The following SUN3 variants were observed in gnomAD, a reference collection of about 807,000 sequenced individuals.
SUN3 encodes the protein SUN domain-containing protein 3.
A neutral mutation model predicts 48.2 loss-of-function variants in SUN3; 36 were observed. That is an observed-to-expected ratio of 0.75 (90% confidence interval 0.57 to 0.99). SUN3 has a LOEUF of 0.99. Ranked by LOEUF, SUN3 falls within the 50% of genes least tolerant of loss-of-function variation. The probability of loss-of-function intolerance (pLI) is 0.00; values close to 1 mark genes in which losing one functional copy is unlikely to be tolerated. For synonymous variants in SUN3, 148 were observed against 147.9 expected (o/e 1.00, Z 0.00); for missense variants, 419 against 433.1 (o/e 0.97, Z 0.29).
chr7:48,001,109 C>T (rs117944605), intron 6 of SUN3, among the ~76,000 whole-genome samples: 4 of 151,804 alleles, frequency 2.6e-5, no homozygotes, highest in Admixed American at 6.6e-5. Flanking sequence ...TTTTTAAGTT[C>T]GGGGTACATG....
intron 1 of SUN3, among the ~76,000 whole-genome samples, chr7:48,028,159 A>G (rs1790184961): frequency 6.6e-6 from 1 of 151,930 alleles, no homozygotes; most frequent in Non-Finnish European, 1.5e-5. Flanking sequence ...ATTTTTATTG[A>G]CAGTTTTGTT....
intron 3 of SUN3, among the ~76,000 whole-genome samples, chr7:48,009,680 C>T (rs1477741837): frequency 1.3e-5 from 2 of 151,774 alleles, no homozygotes; most frequent in Admixed American, 1.3e-4. Context: ...CTTGGTGGTG[C>T]CCAAACCAAG....
At chr7:48,035,594 G>A in the SUN3 span, 4 of 694,680 alleles carry the variant, frequency 5.8e-6, no homozygotes, top group Non-Finnish European at 7.9e-6. The surrounding 1 kb of genome is among the most constrained non-coding windows in gnomAD (Gnocchi z 4.0). Flanking sequence ...AACGCCGGGC[G>A]CCGCGGGCAG....
upstream of SUN3, among the ~76,000 whole-genome samples, chr7:48,030,544 G>T (rs1230121316): frequency 6.6e-6 from 1 of 152,146 alleles, no homozygotes; most frequent in Non-Finnish European, 1.5e-5. Context: ...ACTGTGCTCT[G>T]CATCTTGCTT....
At chr7:47,991,838 T>C (rs961500597) in intron 8 of SUN3, among the ~76,000 whole-genome samples, 4 of 152,064 alleles carry the variant, frequency 2.6e-5, no homozygotes, top group Non-Finnish European at 5.9e-5. Flanking sequence ...AATCTGCGGC[T>C]TAGCTAACAG....
intron 3 of SUN3, 147 bp from the exon 4 acceptor site, chr7:48,009,222 G>C (rs1029401707): frequency 1.5e-6 from 1 of 665,224 alleles, no homozygotes; most frequent in Non-Finnish European, 2.5e-6. Context: ...CCTCTGAGAG[G>C]CCCGCCTCTT....
intron 3 of SUN3, among the ~76,000 whole-genome samples, chr7:48,010,214 T>C (rs779542886): frequency 8.2e-4 from 125 of 151,934 alleles, no homozygotes; most frequent in Non-Finnish European, 1.4e-3. Flanking sequence ...CATGGGATGG[T>C]TGGAGAAGGT....
At chr7:47,994,841 G>C (rs559352232) in intron 7 of SUN3, among the ~76,000 whole-genome samples, 1 of 152,226 alleles carries the variant, frequency 6.6e-6, no homozygotes, top group African/African-American at 2.4e-5. Context: ...GGCAGTGGAG[G>C]TGACAGTGAT....
intron 5 of SUN3, 73 bp downstream of exon 5, chr7:48,007,092 A>C (rs1583762164): frequency 2.8e-6 from 4 of 1,443,718 alleles, no homozygotes; most frequent in Non-Finnish European, 2.8e-6. Flanking sequence ...GGACATACTC[A>C]CTCCCCGTCA....
chr7:47,989,709 G>C (rs1396220475), intron 8 of SUN3, among the ~76,000 whole-genome samples: 2 of 152,186 alleles, frequency 1.3e-5, no homozygotes, highest in African/African-American at 4.8e-5. Flanking sequence ...GACTGTTACT[G>C]TCTCTACGTA....
upstream of SUN3, among the ~76,000 whole-genome samples, chr7:48,033,694 C>G (rs1354478916): frequency 6.6e-6 from 1 of 152,070 alleles, no homozygotes; most frequent in Admixed American, 6.5e-5. Flanking sequence ...TTTTGTTAAT[C>G]CAATGGAGAA....
the SUN3 span, among the ~76,000 whole-genome samples, chr7:48,034,403 T>C: frequency 2.0e-5 from 3 of 152,126 alleles, no homozygotes; most frequent in Non-Finnish European, 2.9e-5. Context: ...CATGTTCAGT[T>C]CAAGTTGTCA....
rs552462533 is a variant in SUN3, at chr7:48,000,753, T to A, written c.578-4607A>T. 1.2e-4 allele frequency among the ~76,000 whole-genome samples: 18 copies of A among 152,204 alleles called. 1 individual carries two copies. Among genetic ancestry groups the A allele is most frequent in the Non-Finnish European group, 2.5e-4 (17 of 68,004 alleles). The stretch of plus-strand genomic sequence containing the variant: ...ATGTGTAGTTTTTTTTTAGCTTCTT[T>A]CAAGTATTTTCATCTTTGATTTTGA... On this transcript the variant is annotated intron_variant, in intron 6 of 9. Coordinates refer to ENST00000297325, the MANE Select transcript of SUN3 (RefSeq NM_001030019.2).
chr7:48,018,872 T>C (rs754573522), intron 2 of SUN3, among the ~76,000 whole-genome samples: 1 of 152,056 alleles, frequency 6.6e-6, no homozygotes, highest in Non-Finnish European at 1.5e-5. Context: ...AGACAAAAAC[T>C]TTATATCAGC....
chr7:47,993,758 CTG>C (rs1227411732), intron 8 of SUN3, among the ~76,000 whole-genome samples: 1 of 152,126 alleles, frequency 6.6e-6, no homozygotes, highest in African/African-American at 2.4e-5. Flanking sequence ...ATACACAACT[CTG>C]TGAATACACT....
At chr7:48,004,945 AG>A (rs1172788090) in intron 6 of SUN3, among the ~76,000 whole-genome samples, 7 of 152,214 alleles carry the variant, frequency 4.6e-5, no homozygotes, top group African/African-American at 1.4e-4. Flanking sequence ...GAGACTTAAC[AG>A]GCTTTCTCTA....
chr7:48,010,277 C>G (rs1342089731), intron 3 of SUN3, among the ~76,000 whole-genome samples: 1 of 152,098 alleles, frequency 6.6e-6, no homozygotes, highest in East Asian at 1.9e-4. Context: ...CTTGGGGCAC[C>G]AATCTTGAAG....
At chr7:48,014,071 T>C (rs1424911001) in intron 3 of SUN3, among the ~76,000 whole-genome samples, 1 of 152,178 alleles carries the variant, frequency 6.6e-6, no homozygotes, top group Non-Finnish European at 1.5e-5. Context: ...GCTCAAGTGA[T>C]CCTGCCACCT....
At chr7:47,994,718 T>C (rs1390514893) in intron 7 of SUN3, among the ~76,000 whole-genome samples, 1 of 152,226 alleles carries the variant, frequency 6.6e-6, no homozygotes, top group Non-Finnish European at 1.5e-5. Context: ...TAAGCTGTTA[T>C]AAGGCAGCTA....
Sources: allele counts gnomAD v4.1 joint callset (sites outside exome capture counted in the v4.1 genomes callset), GRCh38; gene constraint gnomAD v4.1.1; non-coding constraint Gnocchi (gnomAD v3.1); transcripts MANE v1.5; gene names NCBI Gene and HGNC (gene_info 2026-07-23, HGNC 2026-07-21).